The following XPO6 variants were observed in gnomAD, a reference collection of about 807,000 sequenced individuals.
The protein encoded by XPO6 is exportin-6.
A neutral mutation model predicts 130.0 loss-of-function variants in XPO6; 3 were observed. The ratio of observed to expected loss-of-function variants is 0.02; its 90% CI spans 0.01 to 0.06. XPO6 has a LOEUF of 0.06. Among genes scored for constraint, XPO6 ranks in the 10% least tolerant of loss-of-function variants. The pLI is 1.00. For missense variants in XPO6, 970 were observed against 1,393.0 expected, an observed-to-expected ratio of 0.70 and a Z score of 4.83; for synonymous variants, 524 against 548.9, an observed-to-expected ratio of 0.95 and a Z score of 0.63.
At position 28,181,018 on chromosome 16, in the gene XPO6, G is replaced by T. The variant is rs765093671; in HGVS notation, c.17C>A (p.Ala6Asp). Reference protein sequence around the residue: MASEEASLRALESLMT... With the variant: MASEEDSLRALESLMT... ...CAGACTTTCCAATGCCCTGAGAGAG[G>T]CTTCTTCAGATGCCTAACAAAGGAA... The change falls in exon 2 of 24, where the codon GCC becomes GAC. Residue 6 changes from alanine (A) to aspartate (D), a missense_variant. Physicochemically the swap from Ala to Asp is moderately radical, Grantham distance 126. Transcript: ENST00000304658. 3 of 1,611,496 alleles carry T rather than the reference G, an allele frequency of 1.9e-6. No individual in the cohort carries two copies. Among genetic ancestry groups the T allele is most frequent in the Non-Finnish European group, 1.7e-6 (2 of 1,179,072 alleles).
intron 6 of XPO6, among the ~76,000 whole-genome samples, chr16:28,166,223 G>A (rs992517762): frequency 1.3e-5 from 2 of 152,130 alleles, no homozygotes; most frequent in African/African-American, 2.4e-5. Context: ...ACAAGCAGAC[G>A]TTTCAAGCCC....
At position 28,156,133 on chromosome 16, in the gene XPO6, T is replaced by C. The variant is rs991645535; in HGVS notation, c.1038A>G (p.Lys346=). 3 of 1,613,814 alleles carry C rather than the reference T, an allele frequency of 1.9e-6. No homozygotes were observed. The African/African-American group carries it at 4.0e-5, about 22-fold the overall frequency. Residue 346 remains lysine, a synonymous_variant, in exon 7 of 24, where the codon AAA becomes AAG. Transcript: ENST00000304658. ...TGTGGGCATTGTTATCCTTGGTGAT[T>C]TTCTGCAGGAGGTAGAAAGTCTGCT... ...MFQQTFYLLQ[K]ITKDNNAHTV... is the part of the protein sequence containing the mutation.
intron 1 of XPO6, among the ~76,000 whole-genome samples, chr16:28,198,241 A>T (rs1263721283): frequency 1.3e-5 from 2 of 152,198 alleles, no homozygotes; most frequent in African/African-American, 2.4e-5. Flanking sequence ...TTTACAGTGT[A>T]ATCTCAACCA....
Position 28,113,336 on chromosome 16 carries a change from C to T in XPO6, c.2005-286G>A, listed in dbSNP as rs138116931. On this transcript the variant is annotated intron_variant, in intron 15 of 23. Transcript: ENST00000304658. ...CTCAGCTTAGAGTCTGCAGTGGCTC[C>T]CTATCAGCTATTAAATCACACTCCC... Among the ~76,000 whole-genome samples, 95 of 152,262 alleles carry T rather than the reference C, an allele frequency of 6.2e-4. No homozygotes were observed. In the East Asian group the frequency reaches 8.5e-3, roughly 14 times the overall value.
At chr16:28,146,535 G>T (rs1056554045) in intron 8 of XPO6, among the ~76,000 whole-genome samples, 1 of 152,192 alleles carries the variant, frequency 6.6e-6, no homozygotes, top group African/African-American at 2.4e-5. Flanking sequence ...CTATTTTCCA[G>T]AGAGAAATCG....
chr16:28,172,333 T>A lies in XPO6; in HGVS notation c.406-2424A>T, dbSNP rs147603873. The stretch of plus-strand genomic sequence containing the variant: ...TTAACAGACAATAAGCTCCTGCAGG[T>A]TGAAGAACAAGTTCAGGTTTCTAGC... On this transcript the variant is annotated intron_variant, in intron 4 of 23. Transcript: ENST00000304658. Among the ~76,000 whole-genome samples, 6 of 152,294 alleles carry A rather than the reference T, an allele frequency of 3.9e-5. No individual in the cohort carries two copies. The East Asian group carries it at 1.2e-3, about 29-fold the overall frequency.
intron 16 of XPO6, 33 bp downstream of exon 16, chr16:28,112,871 C>T (rs536811220): frequency 1.2e-6 from 2 of 1,603,702 alleles, no homozygotes; most frequent in African/African-American, 1.3e-5. Flanking sequence ...GTCACACAGC[C>T]CTGGGGACCC....
At chr16:28,110,726 G>C (rs184189236) in intron 17 of XPO6, among the ~76,000 whole-genome samples, 11 of 152,302 alleles carry the variant, frequency 7.2e-5, no homozygotes, top group African/African-American at 2.6e-4. Context: ...CATCAATCAA[G>C]ATCCTAACAG....
intron 14 of XPO6, among the ~76,000 whole-genome samples, chr16:28,119,645 C>A (rs189969): frequency 0.57 from 87,130 of 151,560 alleles, 27,401 homozygotes; most frequent in South Asian, 0.72. Context: ...ATTAGTTAGA[C>A]CTTGGATCCA....
At chr16:28,144,343 T>C (rs1013227144) in intron 9 of XPO6, among the ~76,000 whole-genome samples, 2 of 152,224 alleles carry the variant, frequency 1.3e-5, no homozygotes, top group African/African-American at 2.4e-5. Flanking sequence ...CTCAACAGAA[T>C]ATTTGCATAT....
intron 4 of XPO6, among the ~76,000 whole-genome samples, chr16:28,171,452 C>CAAAAAAAAA (rs36000498): frequency 1.7e-4 from 17 of 99,010 alleles, no homozygotes; most frequent in Admixed American, 3.0e-4. Flanking sequence ...GACTCTGTCT[C>CAAAAAAAAA]AAAAAAAAAA....
chr16:28,156,911 T>C (rs1485302082), intron 6 of XPO6, among the ~76,000 whole-genome samples: 1 of 151,958 alleles, frequency 6.6e-6, no homozygotes, highest in Admixed American at 6.6e-5. Flanking sequence ...TTGCTACTGT[T>C]CCCCCAAATC....
intron 1 of XPO6, among the ~76,000 whole-genome samples, chr16:28,192,076 AT>A (rs2043795283): frequency 6.6e-6 from 1 of 152,060 alleles, no homozygotes; most frequent in Non-Finnish European, 1.5e-5. Flanking sequence ...CCTGGCCAAC[AT>A]GGTGAAACCC....
At chr16:28,207,002 T>G (rs2044041941) in intron 1 of XPO6, among the ~76,000 whole-genome samples, 2 of 152,166 alleles carry the variant, frequency 1.3e-5, no homozygotes, top group African/African-American at 4.8e-5. Flanking sequence ...ATCCTAGCAC[T>G]TTGGGAGGCC....
At chr16:28,110,312 G>A (rs1184439724) in intron 17 of XPO6, among the ~76,000 whole-genome samples, 3 of 152,330 alleles carry the variant, frequency 2.0e-5, no homozygotes, top group South Asian at 2.1e-4. Context: ...CCAAGGCCAT[G>A]TAGCTGGCTC....
intron 1 of XPO6, among the ~76,000 whole-genome samples, chr16:28,208,207 A>G (rs149950539): frequency 0.013 from 2,048 of 152,364 alleles, 25 homozygotes; most frequent in Non-Finnish European, 0.018. Context: ...AAGATGCTTA[A>G]TAAGTGGTAG....
intron 8 of XPO6, among the ~76,000 whole-genome samples, chr16:28,151,525 TAAG>T (rs539695410): frequency 2.0e-5 from 3 of 152,296 alleles, no homozygotes; most frequent in African/African-American, 7.2e-5. Flanking sequence ...TCTGTGGTAT[TAAG>T]GTCAGGCCTG....
At chr16:28,140,596 T>A (rs1250210372) in intron 9 of XPO6, among the ~76,000 whole-genome samples, 1 of 151,104 alleles carries the variant, frequency 6.6e-6, no homozygotes, top group Non-Finnish European at 1.5e-5. Context: ...GAGAATTGCT[T>A]GAACCCGGGA....
At chr16:28,209,405 C>T (rs2044089385) in intron 1 of XPO6, among the ~76,000 whole-genome samples, 1 of 151,626 alleles carries the variant, frequency 6.6e-6, no homozygotes, top group South Asian at 2.1e-4. Flanking sequence ...TTTGGGAGGC[C>T]GAGGCGGGTG....
Sources: gnomAD v4.1 joint callset for allele counts (sites outside exome capture counted in the v4.1 genomes callset) on GRCh38, gnomAD v4.1.1 for gene constraint, MANE v1.5 for transcripts, NCBI Gene and HGNC (gene_info 2026-07-23, HGNC 2026-07-21) for gene names.